The following MISP variants were observed in gnomAD, a reference collection of about 807,000 sequenced individuals.
MISP encodes the protein mitotic spindle positioning.
In MISP, 51 loss-of-function variants were observed where a neutral mutation model predicts 49.3. The observed-to-expected ratio is 1.03, with a 90% CI of 0.83 to 1.31. MISP has a LOEUF of 1.31. Among genes scored for constraint, MISP ranks in the 50% most tolerant of loss-of-function variants. MISP has a pLI of 0.00. For missense variants in MISP, 1,084 were observed against 935.1 expected, an observed-to-expected ratio of 1.16 and a Z score of -2.08; for synonymous variants, 444 against 392.6, an observed-to-expected ratio of 1.13 and a Z score of -1.55.
chr19:750,119 G>A (rs2033436300), upstream of MISP, among the ~76,000 whole-genome samples: 2 of 151,408 alleles, frequency 1.3e-5, no homozygotes, highest in Non-Finnish European at 2.9e-5. Context: ...GGAGGACCAT[G>A]GGCGCCTGAG....
chr19:754,565 T>C (rs1362812313), intron 1 of MISP, among the ~76,000 whole-genome samples: 1 of 152,230 alleles, frequency 6.6e-6, no homozygotes, highest in Non-Finnish European at 1.5e-5. Flanking sequence ...AGGTGGAGAT[T>C]GCAGTGAGCT....
Position 764,051 on chromosome 19 carries a change from G to C in MISP, c.*461G>C, listed in dbSNP as rs2033716454. 6.4e-6 allele frequency: 1 copy of C among 155,882 alleles called. No individual in the cohort carries two copies. Among genetic ancestry groups the C allele is most frequent in the African/African-American group, 2.4e-5 (1 of 41,486 alleles). 9.7% of individuals were successfully genotyped at this position (155,882 alleles called of 1,614,324 possible). On this transcript the variant is annotated 3_prime_UTR_variant, in exon 5 of 5. Coordinates refer to ENST00000215582, the MANE Select transcript of MISP (RefSeq NM_173481.4). ...CCTCTGAGAAGTCCCAAGCTGAGAG[G>C]GGAGACCTGCCCCTTTCCAACCCTG... is the stretch of plus-strand genomic sequence containing the variant.
intron 1 of MISP, among the ~76,000 whole-genome samples, chr19:753,515 A>G (rs1032023348): frequency 1.7e-4 from 26 of 149,576 alleles, no homozygotes; most frequent in African/African-American, 6.2e-4. Flanking sequence ...CCTCCTGAGT[A>G]GCTGGGACTA....
Position 757,800 on chromosome 19 carries a change from C to A in MISP, c.854C>A (p.Pro285Gln). 1 of 1,611,848 alleles carries A rather than the reference C, an allele frequency of 6.2e-7. No individual in the cohort carries two copies. Among genetic ancestry groups the A allele is most frequent in the South Asian group, 1.1e-5 (1 of 90,958 alleles). The change falls in exon 2 of 5, where the codon CCG (proline) becomes CAG (glutamine). Residue 285 changes from proline (P) to glutamine (Q), a missense_variant. Coordinates refer to ENST00000215582, the MANE Select transcript of MISP (RefSeq NM_173481.4). Reference protein sequence around the residue: ...DPGSLASVESPGTPKETPIER... With the variant: ...DPGSLASVESQGTPKETPIER... Reference sequence around the variant, plus strand: ...GGCTCCTTGGCCTCAGTGGAGTCCCCGGGGACCCCCAAGGAGACGCCCATC... The same window carrying A: ...GGCTCCTTGGCCTCAGTGGAGTCCCAGGGGACCCCCAAGGAGACGCCCATC...
At chr19:761,700 C>G in intron 4 of MISP, 37 bp downstream of exon 4, 1 of 1,610,474 alleles carries the variant, frequency 6.2e-7, no homozygotes, top group Non-Finnish European at 8.5e-7. Context: ...TCAAGTCTTT[C>G]CCCCCCACAT....
At chr19:749,239 T>G (rs971659668), upstream of MISP, among the ~76,000 whole-genome samples, 1 of 152,104 alleles carries the variant, frequency 6.6e-6, no homozygotes. Flanking sequence ...CGATCCAGCC[T>G]CCACCCTGCT....
intron 2 of MISP, 76 bp from the exon 3 acceptor site, chr19:759,833 G>C: frequency 6.4e-7 from 1 of 1,556,572 alleles, no homozygotes; most frequent in Non-Finnish European, 8.8e-7. Flanking sequence ...CTCCTTAGCT[G>C]CTGGCTAGAG....
Position 757,780 on chromosome 19 carries a change from C to A in MISP, c.834C>A (p.Ser278=). 8 of 1,613,086 alleles carry A rather than the reference C, an allele frequency of 5.0e-6. No individual in the cohort carries two copies. Among genetic ancestry groups the A allele is most frequent in the Non-Finnish European group, 6.8e-6 (8 of 1,179,444 alleles). ...TCCAAGTTGTGGATGACCCTGGCTC[C>A]TTGGCCTCAGTGGAGTCCCCGGGGA... ...ASVQVVDDPG[S]LASVESPGTP... Residue 278 remains serine, a synonymous_variant, in exon 2 of 5, where the codon TCC becomes TCA. Transcript: ENST00000215582.
At chr19:761,248 C>T (rs1435340091) in intron 3 of MISP, among the ~76,000 whole-genome samples, 2 of 149,654 alleles carry the variant, frequency 1.3e-5, no homozygotes, top group South Asian at 4.3e-4. Context: ...TGCCACCACT[C>T]CTGGCTAAAG....
At chr19:754,878 G>C (rs975728102) in intron 1 of MISP, among the ~76,000 whole-genome samples, 2 of 151,886 alleles carry the variant, frequency 1.3e-5, no homozygotes, top group African/African-American at 4.8e-5. Context: ...GGAGGGTCTG[G>C]TTTGGGTTGG....
rs544383655 is a variant in MISP at position 758,150 on chromosome 19, G to A, written c.1204G>A (p.Ala402Thr). The A allele has an allele frequency of 2.5e-6, 4 of 1,612,050 alleles. No individual in the cohort carries two copies. The highest frequency in any genetic ancestry group is 2.7e-5 in the African/African-American group (2 of 75,010). The change falls in exon 2 of 5, where the codon GCC becomes ACC. Residue 402 changes from alanine to threonine, a missense_variant. By Grantham distance (58) the Ala-to-Thr change is moderately conservative (BLOSUM62 0). Transcript: ENST00000215582. ...ALSSDSILSP[A>T]PDARAADPAP... ...CAGCTCAGATTCCATCCTCAGCCCGGCCCCAGATGCCCGTGCGGCCGACCC... is the reference window on the plus strand; with the variant it reads ...CAGCTCAGATTCCATCCTCAGCCCGACCCCAGATGCCCGTGCGGCCGACCC...
chr19:755,469 CCTT>C (rs1486968879), intron 1 of MISP, among the ~76,000 whole-genome samples: 2 of 152,128 alleles, frequency 1.3e-5, no homozygotes, highest in Non-Finnish European at 2.9e-5. Flanking sequence ...TGCTGTCAGT[CCTT>C]CTCTCTGGGC....
rs772278393 is a variant in MISP at position 759,942 on chromosome 19, C to T, written c.1814C>T (p.Pro605Leu). ...GGCAGTTACTCGGTGTCTGAGTCTC[C>T]CTTCTTCAGCCCCATCCACCTACAC... ...ITGSYSVSES[P>L]FFSPIHLHSN... Residue 605 changes from proline (P) to leucine (L), a missense_variant, in exon 3 of 5, where the codon CCC becomes CTC. Pro to Leu is a moderately conservative substitution (Grantham distance 98, BLOSUM62 -3). Transcript: ENST00000215582. 1.9e-6 allele frequency: 3 copies of T among 1,613,970 alleles called. No homozygotes were observed. The South Asian group carries it at 3.3e-5, about 18-fold the overall frequency.
At chr19:758,825 G>A in intron 2 of MISP, 99 bp downstream of exon 2, 2 of 973,040 alleles carry the variant, frequency 2.1e-6, no homozygotes, top group Non-Finnish European at 3.0e-6. Context: ...CAAAGGGCTG[G>A]GGTTGGGGAG....
In MISP at chr19:757,483, G is replaced by GC. The variant is rs2033573837; in HGVS notation, c.541dup (p.Leu181ProfsTer7). 6.3e-7 allele frequency: 1 copy of GC among 1,598,602 alleles called. No individual in the cohort carries two copies. The highest frequency in any genetic ancestry group is 1.8e-5 in the Admixed American group (1 of 56,212). On this transcript the variant is annotated frameshift_variant, in exon 2 of 5. Coordinates refer to ENST00000215582, the MANE Select transcript of MISP (RefSeq NM_173481.4). LOFTEE classifies it high-confidence loss of function. ...GGACCCCCGGCCCACCTCGGTCCACGCCCCTGGAGGAGAACGTGGTTGACA... is the reference window on the plus strand; with the variant it reads ...GGACCCCCGGCCCACCTCGGTCCACGCCCCCTGGAGGAGAACGTGGTTGACA...
chr19:760,239 G>A (rs1329718539), intron 3 of MISP, among the ~76,000 whole-genome samples, 200 bp downstream of exon 3: 1 of 151,916 alleles, frequency 6.6e-6, no homozygotes, highest in African/African-American at 2.4e-5. Context: ...TCTGCTTGGA[G>A]AGGCCATATA....
At chr19:750,651 C>G (rs915509130), upstream of MISP, among the ~76,000 whole-genome samples, 4 of 152,188 alleles carry the variant, frequency 2.6e-5, no homozygotes, top group Non-Finnish European at 4.4e-5. Context: ...ACCAAACCCC[C>G]CCGAGTCTGC....
chr19:757,779 C>T lies in MISP; in HGVS notation c.833C>T (p.Ser278Phe). 6.2e-7 allele frequency: 1 copy of T among 1,613,166 alleles called. No individual in the cohort carries two copies. The highest frequency in any genetic ancestry group is 8.5e-7 in the Non-Finnish European group (1 of 1,179,506). ...ASVQVVDDPGSLASVESPGTP... is the reference protein window; with the variant it reads ...ASVQVVDDPGFLASVESPGTP... ...GTCCAAGTTGTGGATGACCCTGGCTCCTTGGCCTCAGTGGAGTCCCCGGGG... is the reference window on the plus strand; with the variant it reads ...GTCCAAGTTGTGGATGACCCTGGCTTCTTGGCCTCAGTGGAGTCCCCGGGG... The change falls in exon 2 of 5, where the codon TCC (serine) becomes TTC (phenylalanine). Residue 278 changes from serine to phenylalanine, a missense_variant. Coordinates refer to ENST00000215582, the MANE Select transcript of MISP (RefSeq NM_173481.4).
intron 2 of MISP, among the ~76,000 whole-genome samples, 172 bp downstream of exon 2, chr19:758,898 T>C (rs574949388): frequency 3.8e-4 from 58 of 152,346 alleles, no homozygotes; most frequent in African/African-American, 1.3e-3. Context: ...ATTAAAAATG[T>C]AGATTTTGGA....
Sources: allele counts gnomAD v4.1 joint callset (sites outside exome capture counted in the v4.1 genomes callset), GRCh38; gene constraint gnomAD v4.1.1; transcripts MANE v1.5; gene names NCBI Gene and HGNC (gene_info 2026-07-23, HGNC 2026-07-21).